The following ZBTB20 variants were observed in gnomAD, a reference collection of about 807,000 sequenced individuals.
The protein encoded by ZBTB20 is zinc finger and BTB domain-containing protein 20.
Under a neutral mutation model 56.9 loss-of-function variants are expected in ZBTB20, and 9 were observed. That is an observed-to-expected ratio of 0.16 (90% CI 0.10 to 0.28). ZBTB20 has a LOEUF of 0.28. Ranked by LOEUF, ZBTB20 falls within the 10% of genes least tolerant of loss-of-function variation. The pLI, the probability that ZBTB20 is intolerant of heterozygous loss-of-function variation, is 1.00. For synonymous variants in ZBTB20, 417 were observed against 420.7 expected (o/e 0.99, Z 0.11); for missense variants, 655 against 1,003.0 (o/e 0.65, Z 4.69).
At chr3:114,367,701 C>G (rs1474426) in intron 10 of ZBTB20, among the ~76,000 whole-genome samples, 57,919 of 152,032 alleles carry the variant, frequency 0.38, 11,462 homozygotes, top group Non-Finnish European at 0.43. Context: ...TTTGAAACTT[C>G]TTTCAGCCCC....
intron 6 of ZBTB20, among the ~76,000 whole-genome samples, chr3:114,584,368 A>T (rs1013025595): frequency 6.6e-6 from 1 of 152,210 alleles, no homozygotes; most frequent in Non-Finnish European, 1.5e-5. Context: ...ACACAAAATC[A>T]TTATGGAAAT....
chr3:114,857,879 T>C (rs2075322133), intron 4 of ZBTB20, among the ~76,000 whole-genome samples: 1 of 152,200 alleles, frequency 6.6e-6, no homozygotes, highest in Non-Finnish European at 1.5e-5. Flanking sequence ...ACAATCAGTG[T>C]CCCTTGTGGT....
Position 114,339,527 on chromosome 3 carries a change from A to C in ZBTB20, c.1805-101T>G, listed in dbSNP as rs1268477203. The C allele has an allele frequency of 7.6e-7, 1 of 1,309,832 alleles. No homozygotes were observed. Among genetic ancestry groups the C allele is most frequent in the Non-Finnish European group, 1.0e-6 (1 of 980,552 alleles). 81.1% of individuals were successfully genotyped at this position (1,309,832 alleles called of 1,614,324 possible). ...ACAAGACAACAAAAAAGAAAAATAAAACAATTAAAAAATAAAATTTGATTG... is the reference window on the plus strand; with the variant it reads ...ACAAGACAACAAAAAAGAAAAATAACACAATTAAAAAATAAAATTTGATTG... On this transcript the variant is annotated intron_variant, in intron 11 of 11. Coordinates refer to ENST00000675478, the MANE Select transcript of ZBTB20 (RefSeq NM_001348800.3). The surrounding 1 kb of genome is among the most constrained non-coding windows in gnomAD (Gnocchi z 4.2).
intron 5 of ZBTB20, 25 bp downstream of exon 5, chr3:114,801,076 G>A (rs1306099131): frequency 6.6e-6 from 1 of 152,116 alleles, no homozygotes; most frequent in Non-Finnish European, 1.5e-5. Flanking sequence ...AAACACAGAA[G>A]AAGGTACAGA....
chr3:114,662,837 G>T (rs994485417), intron 6 of ZBTB20, among the ~76,000 whole-genome samples: 11 of 152,000 alleles, frequency 7.2e-5, no homozygotes, highest in African/African-American at 1.7e-4. Flanking sequence ...TTTCTCCCAT[G>T]TTGTAGGTTG....
chr3:114,473,205 C>T (rs1172665297), intron 7 of ZBTB20, among the ~76,000 whole-genome samples: 1 of 152,196 alleles, frequency 6.6e-6, no homozygotes, highest in Non-Finnish European at 1.5e-5. Context: ...GCTTTCTTCC[C>T]TTCCGTCCTA....
chr3:114,427,033 A>T (rs1468353482), intron 7 of ZBTB20, among the ~76,000 whole-genome samples: 1 of 152,222 alleles, frequency 6.6e-6, no homozygotes. Flanking sequence ...CGCTATGCAC[A>T]TGATAGGTAT....
At chr3:114,515,860 A>G (rs2045926757) in intron 6 of ZBTB20, among the ~76,000 whole-genome samples, 2 of 152,176 alleles carry the variant, frequency 1.3e-5, no homozygotes, top group Non-Finnish European at 2.9e-5. Context: ...CAACAATAAC[A>G]ATGATAATAA....
intron 5 of ZBTB20, among the ~76,000 whole-genome samples, chr3:114,728,695 T>TGTGCTTTAGTTAGTATGTGCTTTA (rs2065490822): frequency 6.6e-6 from 1 of 152,220 alleles, no homozygotes; most frequent in South Asian, 2.1e-4. Context: ...TTAGTTAGAC[T>TGTGCTTTAGTTAGTATGTGCTTTA]GAAAGAAAGC....
chr3:114,380,923 G>T lies in ZBTB20; in HGVS notation c.-136C>A. On this transcript the variant is annotated 5_prime_UTR_variant, in exon 9 of 12. Transcript: ENST00000675478. Reference sequence around the variant, plus strand: ...CTTGGGCACCTCACTTCACCTCTCTGGGCTTCAGTTTCCTCATCTGTAAAA... The same window carrying T: ...CTTGGGCACCTCACTTCACCTCTCTTGGCTTCAGTTTCCTCATCTGTAAAA... The T allele has an allele frequency of 1.6e-6, 1 of 615,698 alleles. No homozygotes were observed. The highest frequency in any genetic ancestry group is 2.5e-6 in the Non-Finnish European group (1 of 405,584). The allele number at this position is 615,698 out of a possible 1,614,324, so 38.1% of individuals were successfully genotyped here.
chr3:114,961,292 A>G (rs1487483145), intron 3 of ZBTB20, among the ~76,000 whole-genome samples: 1 of 152,048 alleles, frequency 6.6e-6, no homozygotes, highest in Non-Finnish European at 1.5e-5. Context: ...TCCTCCTTCA[A>G]TACAAAAAAT....
At position 115,059,457 on chromosome 3, in the gene ZBTB20, C is replaced by T. The variant is rs187983044; in HGVS notation, c.-507+11762G>A. On this transcript the variant is annotated intron_variant, in intron 2 of 11. Transcript: ENST00000675478. The stretch of plus-strand genomic sequence containing the variant: ...CCTGGCTATTAACAAAGTGTCTCCA[C>T]TTTGGCTGAACAAAACTCAAACACT... Among the ~76,000 whole-genome samples the T allele has an allele frequency of 5.0e-3, 754 of 152,288 alleles. 5 individuals carry two copies. The highest frequency in any genetic ancestry group is 0.016 in the South Asian group (78 of 4,828).
chr3:114,685,256 G>A (rs1266788770), intron 6 of ZBTB20, among the ~76,000 whole-genome samples: 1 of 152,166 alleles, frequency 6.6e-6, no homozygotes, highest in Admixed American at 6.5e-5. Flanking sequence ...AAAGCCTGGG[G>A]ACTGAGAATG....
chr3:114,854,242 T>C (rs1279470522), intron 4 of ZBTB20, among the ~76,000 whole-genome samples: 1 of 152,220 alleles, frequency 6.6e-6, no homozygotes, highest in African/African-American at 2.4e-5. Context: ...ATACTTTGTA[T>C]ACTAACAACT....
intron 5 of ZBTB20, among the ~76,000 whole-genome samples, chr3:114,768,383 T>G (rs1194367240): frequency 6.6e-6 from 1 of 152,042 alleles, no homozygotes; most frequent in Admixed American, 6.6e-5. Context: ...TTACTCCCTG[T>G]TAACTGTCTT....
intron 3 of ZBTB20, among the ~76,000 whole-genome samples, chr3:114,961,611 A>G (rs1371435747): frequency 6.6e-6 from 1 of 152,128 alleles, no homozygotes; most frequent in African/African-American, 2.4e-5. Context: ...TTCTGTTTTT[A>G]AAAATCCAGA....
At chr3:115,134,394 G>T (rs1033590955) in intron 1 of ZBTB20, among the ~76,000 whole-genome samples, 3 of 152,064 alleles carry the variant, frequency 2.0e-5, no homozygotes, top group Non-Finnish European at 4.4e-5. Context: ...GCAGCCAAGT[G>T]CAGAGATGCT....
intron 6 of ZBTB20, among the ~76,000 whole-genome samples, chr3:114,574,528 C>T (rs1416124882): frequency 6.6e-6 from 1 of 152,026 alleles, no homozygotes; most frequent in Non-Finnish European, 1.5e-5. Context: ...TTTGTATTTC[C>T]TTTCATAATT....
At chr3:114,967,218 G>T (rs922168097) in intron 3 of ZBTB20, among the ~76,000 whole-genome samples, 1 of 152,052 alleles carries the variant, frequency 6.6e-6, no homozygotes, top group African/African-American at 2.4e-5. Context: ...AACCTGTTCA[G>T]AAGTGAAGAA....
Sources: gnomAD v4.1 joint callset for allele counts (sites outside exome capture counted in the v4.1 genomes callset) on GRCh38, gnomAD v4.1.1 for gene constraint, Gnocchi (gnomAD v3.1) non-coding constraint, MANE v1.5 for transcripts, NCBI Gene and HGNC (gene_info 2026-07-23, HGNC 2026-07-21) for gene names.